Variants in LRRC7 observed in about 807,000 individuals in gnomAD.
LRRC7 encodes the protein leucine-rich repeat-containing protein 7.
A neutral mutation model predicts 175.7 loss-of-function variants in LRRC7; 23 were observed. That is an observed-to-expected ratio of 0.13 (90% CI 0.09 to 0.19). The LOEUF (loss-of-function observed/expected upper bound fraction) is 0.19. Ranked by LOEUF, LRRC7 falls within the 10% of genes least tolerant of loss-of-function variation. The probability of loss-of-function intolerance (pLI) is 1.00; values close to 1 mark genes in which losing one functional copy is unlikely to be tolerated. For synonymous variants in LRRC7, 685 were observed against 680.9 expected, an observed-to-expected ratio of 1.01 and a Z score of -0.09; for missense variants, 1,354 against 1,904.7, an observed-to-expected ratio of 0.71 and a Z score of 5.38.
chr1:70,031,695 C>T (rs1381273336), intron 18 of LRRC7, among the ~76,000 whole-genome samples: 1 of 152,132 alleles, frequency 6.6e-6, no homozygotes, highest in Non-Finnish European at 1.5e-5. Context: ...TCATAGTAGA[C>T]ACCACAATTT....
chr1:70,011,163 A>T (rs545979561), intron 11 of LRRC7, among the ~76,000 whole-genome samples: 1 of 152,308 alleles, frequency 6.6e-6, no homozygotes, highest in East Asian at 1.9e-4. Flanking sequence ...AGCACCTGCT[A>T]AGAGGCAGGA....
chr1:69,608,787 G>C (rs1309065857), intron 1 of LRRC7, among the ~76,000 whole-genome samples: 2 of 137,966 alleles, frequency 1.4e-5, no homozygotes, highest in African/African-American at 5.3e-5. Context: ...GTAAGAACTG[G>C]CATCTCCTAT....
chr1:69,759,705 A>C (rs749845081), intron 2 of LRRC7, among the ~76,000 whole-genome samples: 9 of 152,034 alleles, frequency 5.9e-5, no homozygotes, highest in Non-Finnish European at 1.0e-4. Context: ...TCACCGATGA[A>C]ATTTGTGGGC....
At chr1:69,742,703 T>C (rs1230446658) in intron 2 of LRRC7, among the ~76,000 whole-genome samples, 2 of 151,994 alleles carry the variant, frequency 1.3e-5, no homozygotes, top group African/African-American at 4.8e-5. Flanking sequence ...AACTATTATT[T>C]CACAGAGATA....
At chr1:69,782,698 A>G (rs1318398624) in intron 3 of LRRC7, among the ~76,000 whole-genome samples, 1 of 152,202 alleles carries the variant, frequency 6.6e-6, no homozygotes, top group Non-Finnish European at 1.5e-5. Context: ...ACTGTCCTGA[A>G]GAGAGCAGAC....
intron 4 of LRRC7, among the ~76,000 whole-genome samples, chr1:69,806,011 TA>T (rs951902102): frequency 1.3e-4 from 20 of 151,194 alleles, no homozygotes; most frequent in African/African-American, 4.4e-4. Flanking sequence ...AGTAGATCCT[TA>T]AAAAAAAATT....
At chr1:69,892,342 G>A (rs959861483) in intron 7 of LRRC7, among the ~76,000 whole-genome samples, 4 of 152,182 alleles carry the variant, frequency 2.6e-5, no homozygotes, top group African/African-American at 9.7e-5. Flanking sequence ...ACCTCACTAA[G>A]TGGTAACTCT....
chr1:69,601,794 G>C (rs943930171), intron 1 of LRRC7, among the ~76,000 whole-genome samples: 7 of 152,108 alleles, frequency 4.6e-5, no homozygotes, highest in Admixed American at 1.3e-4. Flanking sequence ...AGGATAAAGT[G>C]AATATACATG....
intron 1 of LRRC7, among the ~76,000 whole-genome samples, chr1:69,650,384 A>C (rs12023834): frequency 0.1 from 15,759 of 151,172 alleles, 989 homozygotes; most frequent in African/African-American, 0.18. Flanking sequence ...ACTAAAAATG[A>C]AAAAAATTAG....
intron 1 of LRRC7, among the ~76,000 whole-genome samples, chr1:69,596,844 A>G (rs1646864750): frequency 6.6e-6 from 1 of 152,230 alleles, no homozygotes; most frequent in Admixed American, 6.5e-5. Flanking sequence ...TTATAAAGTG[A>G]GCCATGTTCC....
At chr1:69,846,301 ATAT>A in intron 7 of LRRC7, among the ~76,000 whole-genome samples, 1 of 152,228 alleles carries the variant, frequency 6.6e-6, no homozygotes, top group South Asian at 2.1e-4. Context: ...AAGAATGATA[ATAT>A]TATGGTTAGC....
chr1:70,037,217 C>G (rs1450174681), intron 20 of LRRC7, among the ~76,000 whole-genome samples: 1 of 152,184 alleles, frequency 6.6e-6, no homozygotes, highest in Non-Finnish European at 1.5e-5. Flanking sequence ...TAACTTGTTG[C>G]TATGTTTTAC....
intron 26 of LRRC7, among the ~76,000 whole-genome samples, chr1:70,118,470 G>C (rs1666006403): frequency 6.6e-6 from 1 of 152,054 alleles, no homozygotes; most frequent in Non-Finnish European, 1.5e-5. Flanking sequence ...TCATAGTTTG[G>C]CAACCACTGT....
intron 23 of LRRC7, among the ~76,000 whole-genome samples, chr1:70,073,774 C>T (rs1398268753): frequency 6.6e-6 from 1 of 152,198 alleles, no homozygotes; most frequent in Non-Finnish European, 1.5e-5. Context: ...CAGATATAAA[C>T]TTAAAAATCA....
intron 2 of LRRC7, among the ~76,000 whole-genome samples, chr1:69,734,274 C>A (rs929079359): frequency 1.3e-5 from 2 of 151,926 alleles, no homozygotes; most frequent in African/African-American, 4.8e-5. Context: ...TCTGAACACC[C>A]TTTCACACAC....
intron 5 of LRRC7, among the ~76,000 whole-genome samples, chr1:69,831,300 G>A (rs899026480): frequency 1.3e-5 from 2 of 151,914 alleles, no homozygotes; most frequent in Non-Finnish European, 2.9e-5. Context: ...AAAGATAATA[G>A]TTAAATTCCA....
intron 8 of LRRC7, among the ~76,000 whole-genome samples, chr1:69,962,703 T>C (rs542101467): frequency 1.3e-5 from 2 of 152,226 alleles, no homozygotes; most frequent in East Asian, 3.9e-4. Context: ...GAGGCCATTA[T>C]CCTTAACAAA....
intron 2 of LRRC7, among the ~76,000 whole-genome samples, chr1:69,759,974 G>T (rs554948866): frequency 6.6e-6 from 1 of 152,044 alleles, no homozygotes; most frequent in African/African-American, 2.4e-5. Context: ...CACTTTTTGA[G>T]CCCATTTTCG....
At chr1:69,660,567 G>A (rs1423787056) in intron 1 of LRRC7, among the ~76,000 whole-genome samples, 1 of 152,080 alleles carries the variant, frequency 6.6e-6, no homozygotes, top group Admixed American at 6.6e-5. Flanking sequence ...GGTATGCCAA[G>A]TGTAGGATTA....
Sources: gnomAD v4.1 joint callset for allele counts (sites outside exome capture counted in the v4.1 genomes callset) on GRCh38, gnomAD v4.1.1 for gene constraint, MANE v1.5 for transcripts, NCBI Gene and HGNC (gene_info 2026-07-23, HGNC 2026-07-21) for gene names.